WDPCP: variants seen among roughly 807,000 people sequenced by gnomAD.
WDPCP encodes the protein WD repeat containing planar cell polarity effector.
Under a neutral mutation model 93.1 loss-of-function variants are expected in WDPCP, and 71 were observed. That is an observed-to-expected ratio of 0.76 (90% CI 0.63 to 0.93). WDPCP has a LOEUF of 0.93. Ranked by LOEUF, WDPCP falls within the 40% of genes least tolerant of loss-of-function variation. The pLI is 0.00. For synonymous variants in WDPCP, 315 were observed against 315.0 expected, an observed-to-expected ratio of 1.00 and a Z score of 0.00; for missense variants, 844 against 887.4, an observed-to-expected ratio of 0.95 and a Z score of 0.62.
chr2:63,270,536 C>G (rs1417746896), intron 13 of WDPCP, among the ~76,000 whole-genome samples: 1 of 152,022 alleles, frequency 6.6e-6, no homozygotes, highest in Non-Finnish European at 1.5e-5. Flanking sequence ...ACCACCTCCA[C>G]AAAGAAGGAC....
At chr2:63,598,876 C>T (rs1180633458) in intron 3 of WDPCP, among the ~76,000 whole-genome samples, 1 of 133,532 alleles carries the variant, frequency 7.5e-6, no homozygotes, top group Non-Finnish European at 1.6e-5. Context: ...ATCTTGTCTA[C>T]AGCTTGTCAA....
intron 12 of WDPCP, among the ~76,000 whole-genome samples, chr2:63,341,725 C>T (rs1458321183): frequency 6.6e-6 from 1 of 152,110 alleles, no homozygotes; most frequent in African/African-American, 2.4e-5. Context: ...CTGTTTGGTG[C>T]ACACATGTTA....
intron 13 of WDPCP, among the ~76,000 whole-genome samples, chr2:63,294,751 A>G (rs1684717563): frequency 6.6e-6 from 1 of 152,230 alleles, no homozygotes; most frequent in Admixed American, 6.5e-5. Context: ...AAAACTCAAT[A>G]AAATTAACTA....
At position 63,338,230 on chromosome 2, in the gene WDPCP, C is replaced by T. The variant is rs564381711; in HGVS notation, c.1749-24919G>A. On this transcript the variant is annotated intron_variant, in intron 12 of 17. Transcript: ENST00000272321. ...GTTCTTCAAAGAGTAATCCAGTCTT[C>T]CCAGCATCATTCATTGAAAAGACTC... is the stretch of plus-strand genomic sequence containing the variant. Among the ~76,000 whole-genome samples, 15 of 152,124 alleles carry T rather than the reference C, an allele frequency of 9.9e-5. No individual in the cohort carries two copies. In the South Asian group the frequency reaches 2.9e-3, roughly 30 times the overall value.
chr2:63,673,535 C>T (rs1710371207), intron 2 of WDPCP, among the ~76,000 whole-genome samples: 2 of 152,054 alleles, frequency 1.3e-5, no homozygotes, highest in South Asian at 2.1e-4. Context: ...TGAGTATCTC[C>T]ACTGTGCCAC....
intron 14 of WDPCP, among the ~76,000 whole-genome samples, chr2:63,197,768 C>T (rs758519402): frequency 6.6e-6 from 1 of 152,148 alleles, no homozygotes; most frequent in Non-Finnish European, 1.5e-5. Flanking sequence ...ATATAATGGC[C>T]TCCAGTTCTA....
chr2:63,399,907 A>G (rs537217615), intron 10 of WDPCP, among the ~76,000 whole-genome samples: 28 of 152,302 alleles, frequency 1.8e-4, no homozygotes, highest in African/African-American at 6.7e-4. Context: ...TTTCAGGTAA[A>G]TCAAATCATG....
intron 1 of WDPCP, among the ~76,000 whole-genome samples, chr2:63,587,632 T>A (rs1262236981): frequency 6.6e-6 from 1 of 152,270 alleles, no homozygotes; most frequent in Non-Finnish European, 1.5e-5. Context: ...CATCATATCT[T>A]CCTTTTAACA....
chr2:63,253,873 T>C (rs1267277396), intron 14 of WDPCP, among the ~76,000 whole-genome samples: 2 of 152,274 alleles, frequency 1.3e-5, no homozygotes, highest in East Asian at 1.9e-4. Context: ...GTTGATCCCA[T>C]TCCTGAGTAT....
At chr2:63,375,662 T>A (rs1039418149) in intron 12 of WDPCP, among the ~76,000 whole-genome samples, 1 of 151,942 alleles carries the variant, frequency 6.6e-6, no homozygotes, top group Non-Finnish European at 1.5e-5. Flanking sequence ...AAGCAATGTC[T>A]ATAGAATTCC....
At chr2:63,593,412 A>AT (rs34641495), upstream of WDPCP, 3,219 of 324,054 alleles carry the variant, frequency 9.9e-3, no homozygotes, top group South Asian at 0.015. Context: ...CTTTTTTGAA[A>AT]TTTTTTTTTT....
intron 2 of WDPCP, among the ~76,000 whole-genome samples, chr2:63,721,965 A>G (rs968527597): frequency 1.3e-5 from 2 of 152,140 alleles, no homozygotes; most frequent in Admixed American, 1.3e-4. Context: ...CCCTAACCGC[A>G]AGTGATCCAC....
chr2:63,638,003 T>C (rs1468215601), intron 3 of WDPCP, among the ~76,000 whole-genome samples: 2 of 152,226 alleles, frequency 1.3e-5, no homozygotes, highest in Admixed American at 1.3e-4. Flanking sequence ...ATTGGATGGA[T>C]GAACATTGGA....
intron 2 of WDPCP, among the ~76,000 whole-genome samples, chr2:63,765,075 T>C (rs1461713952): frequency 6.6e-6 from 1 of 152,204 alleles, no homozygotes; most frequent in Non-Finnish European, 1.5e-5. Context: ...AGGACAGATA[T>C]ACTCCCTGTC....
intron 6 of WDPCP, among the ~76,000 whole-genome samples, chr2:63,462,456 A>G (rs1313948766): frequency 2.0e-5 from 3 of 152,206 alleles, no homozygotes; most frequent in African/African-American, 7.2e-5. Flanking sequence ...ATATGCAACA[A>G]ACCTGCACGT....
intron 14 of WDPCP, among the ~76,000 whole-genome samples, chr2:63,178,064 T>C (rs1673952407): frequency 6.6e-6 from 1 of 152,190 alleles, no homozygotes; most frequent in Admixed American, 6.5e-5. Context: ...TTTACATCAG[T>C]AAATTTTACT....
intron 14 of WDPCP, among the ~76,000 whole-genome samples, chr2:63,209,041 CA>C (rs1676552832): frequency 6.6e-6 from 1 of 152,144 alleles, no homozygotes; most frequent in Non-Finnish European, 1.5e-5. Flanking sequence ...AGTAACAGCC[CA>C]TTAGGGCTTG....
chr2:63,289,849 C>G (rs996093960), intron 13 of WDPCP, among the ~76,000 whole-genome samples: 1 of 151,698 alleles, frequency 6.6e-6, no homozygotes, highest in African/African-American at 2.4e-5. Context: ...TATAATGTCT[C>G]TCTTATCTCT....
intron 10 of WDPCP, among the ~76,000 whole-genome samples, chr2:63,383,138 T>C (rs969576083): frequency 1.3e-5 from 2 of 151,834 alleles, no homozygotes; most frequent in African/African-American, 4.8e-5. Context: ...AGAGAAAATC[T>C]TAAAAGGCAA....
Sources: gnomAD v4.1 joint callset for allele counts (sites outside exome capture counted in the v4.1 genomes callset) on GRCh38, gnomAD v4.1.1 for gene constraint, MANE v1.5 for transcripts, NCBI Gene and HGNC (gene_info 2026-07-23, HGNC 2026-07-21) for gene names.